Variants in TP63 observed in about 807,000 individuals in gnomAD.
The protein encoded by TP63 is tumor protein p63, also known as tumor protein 63.
A neutral mutation model predicts 82.8 loss-of-function variants in TP63; 17 were observed. That is an observed-to-expected ratio of 0.21 (90% CI 0.14 to 0.31). The LOEUF (loss-of-function observed/expected upper bound fraction) is 0.31. Ranked by LOEUF, TP63 falls within the 10% of genes least tolerant of loss-of-function variation. The pLI, the probability that TP63 is intolerant of heterozygous loss-of-function variation, is 1.00. For synonymous variants in TP63, 330 were observed against 321.7 expected (o/e 1.03, Z -0.28); for missense variants, 648 against 895.3 (o/e 0.72, Z 3.52).
At position 189,760,801 on chromosome 3, in the gene TP63, C is replaced by T. The variant is rs369629274; in HGVS notation, c.324+22027C>T. ...GTTCTCCATGAGGACCCTGCCTTGA[C>T]AGTAAACTTCTTCCCAGGCATCCAG... is the stretch of plus-strand genomic sequence containing the variant. On this transcript the variant is annotated intron_variant, in intron 3 of 13. Transcript: ENST00000264731. 5.3e-5 allele frequency among the ~76,000 whole-genome samples: 8 copies of T among 152,212 alleles called. No individual in the cohort carries two copies. The East Asian group carries it at 1.2e-3, about 22-fold the overall frequency.
At chr3:189,886,857 T>C (rs1720499387) in intron 11 of TP63, among the ~76,000 whole-genome samples, 1 of 152,094 alleles carries the variant, frequency 6.6e-6, no homozygotes, top group Non-Finnish European at 1.5e-5. Flanking sequence ...GCCTTTGAAA[T>C]AGTCAAAAGG....
At chr3:189,872,399 T>TG (rs1718530742) in intron 9 of TP63, among the ~76,000 whole-genome samples, 3 of 114,996 alleles carry the variant, frequency 2.6e-5, no homozygotes, top group Non-Finnish European at 5.3e-5. Context: ...AAAGTTTCTC[T>TG]AACACACACA....
intron 1 of TP63, among the ~76,000 whole-genome samples, chr3:189,678,306 A>G (rs967239891): frequency 2.6e-5 from 4 of 152,110 alleles, no homozygotes; most frequent in Non-Finnish European, 4.4e-5. Context: ...ATTCCTCTGC[A>G]TATGGCTATA....
At chr3:189,810,198 G>A (rs576987545) in intron 4 of TP63, among the ~76,000 whole-genome samples, 85 of 152,100 alleles carry the variant, frequency 5.6e-4, no homozygotes, top group Non-Finnish European at 4.3e-4. Context: ...GGATACTGCA[G>A]GTGAGTAAAC....
chr3:189,661,628 G>A (rs1713890353), intron 1 of TP63, among the ~76,000 whole-genome samples: 1 of 152,038 alleles, frequency 6.6e-6, no homozygotes, highest in East Asian at 1.9e-4. Flanking sequence ...TGATTTTTTT[G>A]AAATAGTTTT....
At chr3:189,687,020 C>T (rs768976162) in intron 1 of TP63, among the ~76,000 whole-genome samples, 5 of 152,038 alleles carry the variant, frequency 3.3e-5, no homozygotes, top group African/African-American at 4.8e-5. Context: ...TGAGCCACCG[C>T]GCCTGGCCAA....
intron 1 of TP63, among the ~76,000 whole-genome samples, chr3:189,715,436 A>G (rs1329902100): frequency 6.6e-6 from 1 of 152,216 alleles, no homozygotes; most frequent in African/African-American, 2.4e-5. Flanking sequence ...TAACATCCAG[A>G]TTTGATCTCT....
intron 3 of TP63, 62 bp from the exon 4 acceptor site, chr3:189,808,210 T>G: frequency 6.2e-7 from 1 of 1,614,170 alleles, no homozygotes; most frequent in South Asian, 1.1e-5. Flanking sequence ...TGGATGCCTT[T>G]TTTTGGAGCA....
chr3:189,883,962 A>C (rs746137346), intron 10 of TP63, among the ~76,000 whole-genome samples: 2 of 152,108 alleles, frequency 1.3e-5, no homozygotes, highest in African/African-American at 2.4e-5. Context: ...AAAACTTTTA[A>C]ATGTATTTTT....
chr3:189,842,727 C>G (rs895483718), intron 4 of TP63, among the ~76,000 whole-genome samples: 3 of 152,176 alleles, frequency 2.0e-5, no homozygotes, highest in African/African-American at 4.8e-5. Flanking sequence ...CTTTTGAGCT[C>G]CTGTTTCTAC....
At chr3:189,624,887 A>AG in the TP63 span, among the ~76,000 whole-genome samples, 2 of 152,200 alleles carry the variant, frequency 1.3e-5, no homozygotes, top group East Asian at 3.9e-4. Flanking sequence ...ATTCTACACC[A>AG]GGATGAGTAG....
intron 1 of TP63, among the ~76,000 whole-genome samples, chr3:189,691,913 A>G (rs1287107090): frequency 6.6e-6 from 1 of 152,204 alleles, no homozygotes; most frequent in Admixed American, 6.5e-5. Flanking sequence ...TGCCCAAGTC[A>G]ATTATGTTCA....
intron 4 of TP63, among the ~76,000 whole-genome samples, chr3:189,838,652 C>T (rs1010244926): frequency 2.0e-5 from 3 of 151,916 alleles, no homozygotes; most frequent in South Asian, 2.1e-4. Flanking sequence ...TAATTATCAA[C>T]GATGGAAATA....
intron 1 of TP63, among the ~76,000 whole-genome samples, chr3:189,655,069 A>G (rs991881617): frequency 1.8e-4 from 28 of 152,160 alleles, no homozygotes; most frequent in Non-Finnish European, 2.8e-4. Flanking sequence ...CTCTTTATGG[A>G]CTCACAGAAT....
the TP63 span, among the ~76,000 whole-genome samples, chr3:189,614,767 G>A: frequency 6.6e-6 from 1 of 152,190 alleles, no homozygotes; most frequent in Admixed American, 6.5e-5. Flanking sequence ...TTGAAAGCAT[G>A]TGGCATGGGG....
At chr3:189,742,264 A>G (rs1015303518) in intron 3 of TP63, among the ~76,000 whole-genome samples, 51 of 151,150 alleles carry the variant, frequency 3.4e-4, no homozygotes, top group African/African-American at 1.2e-3. Flanking sequence ...AAAAAAAAAA[A>G]AAAAAAGTTA....
At chr3:189,742,672 C>T (rs1319317556) in intron 3 of TP63, among the ~76,000 whole-genome samples, 1 of 152,212 alleles carries the variant, frequency 6.6e-6, no homozygotes, top group African/African-American at 2.4e-5. Context: ...ATATATATTT[C>T]AAGCACATAC....
In TP63 at chr3:189,888,537, G is replaced by A. The variant is rs1201555080; in HGVS notation, c.1508-803G>A. On this transcript the variant is annotated intron_variant, in intron 11 of 13. Coordinates refer to ENST00000264731, the MANE Select transcript of TP63 (RefSeq NM_003722.5). Reference sequence around the variant, plus strand: ...TATGCTCTTTAGTTAGCTAGTTAGTGGCAAAGACCTTTTCTAGGCATACTG... The same window carrying A: ...TATGCTCTTTAGTTAGCTAGTTAGTAGCAAAGACCTTTTCTAGGCATACTG... Among the ~76,000 whole-genome samples the A allele has an allele frequency of 2.6e-5, 4 of 152,172 alleles. No homozygotes were observed. In the South Asian group the frequency reaches 8.3e-4, roughly 32 times the overall value.
At chr3:189,892,599 T>C (rs1721128669) in intron 13 of TP63, among the ~76,000 whole-genome samples, 1 of 152,102 alleles carries the variant, frequency 6.6e-6, no homozygotes, top group Admixed American at 6.5e-5. Flanking sequence ...GAGACCATCC[T>C]GGCTAACACG....
Sources: gnomAD v4.1 joint callset for allele counts (sites outside exome capture counted in the v4.1 genomes callset) on GRCh38, gnomAD v4.1.1 for gene constraint, MANE v1.5 for transcripts, NCBI Gene and HGNC (gene_info 2026-07-23, HGNC 2026-07-21) for gene names.